Variants in ADAMTS19 observed in about 807,000 individuals in gnomAD.
ADAMTS19 encodes ADAM metallopeptidase with thrombospondin type 1 motif 19.
In ADAMTS19, 93 loss-of-function variants were observed where a neutral mutation model predicts 153.3. That is an observed-to-expected ratio of 0.61 (90% CI 0.51 to 0.72). The LOEUF (loss-of-function observed/expected upper bound fraction) is 0.72. Ranked by LOEUF, ADAMTS19 falls within the 30% of genes least tolerant of loss-of-function variation. The pLI is 0.00. For missense variants in ADAMTS19, 1,482 were observed against 1,552.1 expected, an observed-to-expected ratio of 0.95 and a Z score of 0.76; for synonymous variants, 600 against 556.6, an observed-to-expected ratio of 1.08 and a Z score of -1.10.
At chr5:129,526,814 A>T (rs542279098) in intron 4 of ADAMTS19, among the ~76,000 whole-genome samples, 15 of 149,516 alleles carry the variant, frequency 1.0e-4, no homozygotes, top group South Asian at 4.3e-4. Context: ...TTATTTATTT[A>T]TTTTTTTGGT....
intron 10 of ADAMTS19, among the ~76,000 whole-genome samples, chr5:129,632,315 T>C (rs1294152445): frequency 1.3e-5 from 2 of 151,996 alleles, no homozygotes; most frequent in Admixed American, 1.3e-4. Context: ...CATTTAGACT[T>C]CCTCATTCAG....
At chr5:129,573,700 A>C (rs1241050437) in intron 7 of ADAMTS19, among the ~76,000 whole-genome samples, 1 of 152,072 alleles carries the variant, frequency 6.6e-6, no homozygotes, top group African/African-American at 2.4e-5. Context: ...TGGACACTTT[A>C]TATTTCTATT....
At position 129,539,382 on chromosome 5, in the gene ADAMTS19, C is replaced by T. The variant is rs374929387; in HGVS notation, c.1328+10705C>T. On this transcript the variant is annotated intron_variant, in intron 6 of 22. Coordinates refer to ENST00000274487, the MANE Select transcript of ADAMTS19 (RefSeq NM_133638.6). ...AAAAGCCAAAGAATGCCAGCAATGTCTAGAAGCTGGAAAAGGCCAGGACAT... is the reference window on the plus strand; with the variant it reads ...AAAAGCCAAAGAATGCCAGCAATGTTTAGAAGCTGGAAAAGGCCAGGACAT... 9.2e-5 allele frequency among the ~76,000 whole-genome samples: 14 copies of T among 152,198 alleles called. No homozygotes were observed. The South Asian group carries it at 2.3e-3, about 25-fold the overall frequency.
chr5:129,605,844 G>C (rs1750867189), intron 8 of ADAMTS19, among the ~76,000 whole-genome samples: 1 of 152,072 alleles, frequency 6.6e-6, no homozygotes. Context: ...TAATTAGACT[G>C]TCTACTTCCT....
chr5:129,500,830 A>G (rs1016190782), intron 2 of ADAMTS19, among the ~76,000 whole-genome samples: 8 of 152,138 alleles, frequency 5.3e-5, no homozygotes, highest in African/African-American at 1.9e-4. Context: ...AAAGAGTTGG[A>G]TGAAAAAATA....
chr5:129,508,981 T>C (rs1449520246), intron 2 of ADAMTS19, 96 bp from the exon 3 acceptor site: 1 of 1,046,962 alleles, frequency 9.6e-7, no homozygotes, highest in East Asian at 2.7e-5. Flanking sequence ...ACTGTATGCA[T>C]GTTTGTTAAC....
At chr5:129,592,369 C>T (rs943168584) in intron 7 of ADAMTS19, among the ~76,000 whole-genome samples, 9 of 124,376 alleles carry the variant, frequency 7.2e-5, no homozygotes, top group Non-Finnish European at 1.4e-4. Context: ...CAGAGTGGGT[C>T]TCCGTTTCAA....
chr5:129,710,132 C>T, intron 21 of ADAMTS19, among the ~76,000 whole-genome samples: 1 of 152,098 alleles, frequency 6.6e-6, no homozygotes, highest in East Asian at 1.9e-4. Flanking sequence ...CTCCCCCTGC[C>T]TCACCAACAA....
intron 16 of ADAMTS19, among the ~76,000 whole-genome samples, chr5:129,670,605 C>T (rs149791015): frequency 6.6e-6 from 1 of 152,176 alleles, no homozygotes; most frequent in Non-Finnish European, 1.5e-5. Context: ...TTTTAGTTTT[C>T]TTATTTTAAG....
At chr5:129,578,998 A>T (rs1212191276) in intron 7 of ADAMTS19, among the ~76,000 whole-genome samples, 1 of 152,132 alleles carries the variant, frequency 6.6e-6, no homozygotes, top group East Asian at 1.9e-4. Context: ...CTGGTTCTAG[A>T]TCCTTGAGGA....
At chr5:129,519,863 A>G (rs192071597) in intron 3 of ADAMTS19, among the ~76,000 whole-genome samples, 36 of 152,080 alleles carry the variant, frequency 2.4e-4, no homozygotes, top group African/African-American at 7.7e-4. Flanking sequence ...AATTTTTCTA[A>G]AAGGTGCATT....
chr5:129,700,411 G>C (rs1421463520), intron 19 of ADAMTS19, among the ~76,000 whole-genome samples: 1 of 152,128 alleles, frequency 6.6e-6, no homozygotes, highest in African/African-American at 2.4e-5. Flanking sequence ...GATATAGCCT[G>C]GTCACAGAAA....
At chr5:129,511,544 T>C (rs1751438673) in intron 3 of ADAMTS19, among the ~76,000 whole-genome samples, 1 of 151,068 alleles carries the variant, frequency 6.6e-6, no homozygotes, top group Admixed American at 6.7e-5. Context: ...TCTCAAGAGG[T>C]GAAGAATATA....
intron 16 of ADAMTS19, among the ~76,000 whole-genome samples, chr5:129,669,886 C>T (rs1381986963): frequency 3.3e-5 from 5 of 151,694 alleles, no homozygotes; most frequent in African/African-American, 4.8e-5. Context: ...TTTTCTGTTT[C>T]TGTTTTTGAT....
chr5:129,618,023 C>G (rs933825051), intron 8 of ADAMTS19, among the ~76,000 whole-genome samples: 3 of 151,932 alleles, frequency 2.0e-5, no homozygotes, highest in African/African-American at 7.2e-5. Context: ...GTCATCACAA[C>G]AAATCAGTCA....
At chr5:129,691,222 T>C (rs898519477) in intron 18 of ADAMTS19, among the ~76,000 whole-genome samples, 6 of 152,192 alleles carry the variant, frequency 3.9e-5, no homozygotes, top group African/African-American at 9.6e-5. Context: ...TTTTCAGATA[T>C]TGCAATTCAA....
At position 129,460,354 on chromosome 5, in the gene ADAMTS19, G is replaced by T; in HGVS notation, c.-38G>T. On this transcript the variant is annotated 5_prime_UTR_variant, in exon 1 of 23. Transcript: ENST00000274487. ...CCCCGGAGTGGATCGCGCTGGAGGCGTGCGCCGGGCGAGAAGCCGCGGCCG... is the reference window on the plus strand; with the variant it reads ...CCCCGGAGTGGATCGCGCTGGAGGCTTGCGCCGGGCGAGAAGCCGCGGCCG... 2.5e-6 allele frequency: 4 copies of T among 1,586,452 alleles called. No homozygotes were observed. The Admixed American group carries it at 5.0e-5, about 20-fold the overall frequency.
chr5:129,678,209 A>T lies in ADAMTS19; in HGVS notation c.2507-1555A>T, dbSNP rs139619757. Among the ~76,000 whole-genome samples the T allele has an allele frequency of 2.3e-4, 35 of 152,264 alleles. No individual in the cohort carries two copies. In the East Asian group the frequency reaches 2.9e-3, roughly 13 times the overall value. On this transcript the variant is annotated intron_variant, in intron 16 of 22. Coordinates refer to ENST00000274487, the MANE Select transcript of ADAMTS19 (RefSeq NM_133638.6). ...GCCTCCCTTCATAATCTGCTTCAGC[A>T]TGTTTGACTTCATGCACATGGGTCT...
At chr5:129,597,522 G>A (rs150517477) in intron 8 of ADAMTS19, among the ~76,000 whole-genome samples, 13 of 152,220 alleles carry the variant, frequency 8.5e-5, no homozygotes, top group East Asian at 3.9e-4. Flanking sequence ...TAGATTCCTC[G>A]TCAGTGAATC....
Sources: gnomAD v4.1 joint callset for allele counts (sites outside exome capture counted in the v4.1 genomes callset) on GRCh38, gnomAD v4.1.1 for gene constraint, MANE v1.5 for transcripts, NCBI Gene and HGNC (gene_info 2026-07-23, HGNC 2026-07-21) for gene names.